ERAP2: variants seen among roughly 807,000 people sequenced by gnomAD.
ERAP2 encodes the protein leukocyte-derived arginine aminopeptidase.
ERAP2 carries 118 observed loss-of-function variants against 111.1 expected under a neutral mutation model. The ratio of observed to expected loss-of-function variants is 1.06; its 90% CI spans 0.92 to 1.24. The LOEUF is 1.24. Among genes scored for constraint, ERAP2 ranks in the 50% most tolerant of loss-of-function variants. ERAP2 has a pLI of 0.00. For missense variants in ERAP2, 1,131 were observed against 1,125.8 expected (o/e 1.00, Z -0.07); for synonymous variants, 410 against 401.2 (o/e 1.02, Z -0.26).
At chr5:96,909,925 G>C in intron 15 of ERAP2, 161 bp downstream of exon 15, 1 of 637,034 alleles carries the variant, frequency 1.6e-6, no homozygotes, top group Non-Finnish European at 2.7e-6. Context: ...TAAGTGCTAT[G>C]TATGGAGACT....
chr5:96,896,231 T>TTC (rs1369559236), intron 7 of ERAP2, 142 bp from the exon 8 acceptor site: 11 of 603,036 alleles, frequency 1.8e-5, no homozygotes. Context: ...CAAAGGGGAA[T>TTC]ACATACAAGA....
chr5:96,916,710 C>T (rs964974506), intron 18 of ERAP2, among the ~76,000 whole-genome samples: 1 of 151,590 alleles, frequency 6.6e-6, no homozygotes, highest in Non-Finnish European at 1.5e-5. Context: ...CCTCGTGATC[C>T]ACCCACTTTG....
intron 17 of ERAP2, among the ~76,000 whole-genome samples, chr5:96,915,283 A>G (rs1258448673): frequency 2.0e-5 from 3 of 152,202 alleles, no homozygotes; most frequent in Non-Finnish European, 4.4e-5. Flanking sequence ...TTCTGGGATT[A>G]CAGGTGTGAG....
chr5:96,891,027 T>A (rs928359151), intron 5 of ERAP2, among the ~76,000 whole-genome samples: 11 of 152,082 alleles, frequency 7.2e-5, no homozygotes, highest in African/African-American at 2.4e-4. Context: ...ATCAATGCGA[T>A]TTAGAAGAAA....
rs1250300387 is a variant in ERAP2, at chr5:96,918,917, C to G, written c.*1312C>G. The G allele has an allele frequency of 6.6e-6, 1 of 152,158 alleles. No individual in the cohort carries two copies. The highest frequency in any genetic ancestry group is 2.4e-5 in the African/African-American group (1 of 41,442). 9.4% of individuals were successfully genotyped at this position (152,158 alleles called of 1,614,324 possible). Reference sequence around the variant, plus strand: ...CCTTCTTTTAAGGGCGCTTCTTGCTCTCTGAAATGCCCTGCTAAATGCTTC... The same window carrying G: ...CCTTCTTTTAAGGGCGCTTCTTGCTGTCTGAAATGCCCTGCTAAATGCTTC... On this transcript the variant is annotated 3_prime_UTR_variant, in exon 19 of 19. Coordinates refer to ENST00000437043, the MANE Select transcript of ERAP2 (RefSeq NM_022350.5).
intron 16 of ERAP2, among the ~76,000 whole-genome samples, 196 bp downstream of exon 16, chr5:96,912,994 T>C (rs565024760): frequency 2.0e-5 from 3 of 152,324 alleles, no homozygotes; most frequent in East Asian, 3.9e-4. Flanking sequence ...TTATTAATCA[T>C]ATGATTGAGA....
At chr5:96,904,018 T>C (rs1269332896) in intron 13 of ERAP2, among the ~76,000 whole-genome samples, 1 of 152,228 alleles carries the variant, frequency 6.6e-6, no homozygotes, top group Admixed American at 6.5e-5. Flanking sequence ...TGTTATTAGC[T>C]GCTACACCAA....
chr5:96,909,839 G>C, intron 15 of ERAP2, 75 bp downstream of exon 15: 1 of 1,448,660 alleles, frequency 6.9e-7, no homozygotes, highest in South Asian at 1.3e-5. Context: ...CAAGACATTA[G>C]GTCTAAAACC....
At chr5:96,894,129 C>T (rs1784641600) in intron 6 of ERAP2, among the ~76,000 whole-genome samples, 2 of 152,184 alleles carry the variant, frequency 1.3e-5, no homozygotes, top group South Asian at 4.1e-4. Context: ...ATATTATATA[C>T]ATCTTTGTAT....
At chr5:96,916,403 G>A (rs1377250816) in intron 18 of ERAP2, among the ~76,000 whole-genome samples, 2 of 151,096 alleles carry the variant, frequency 1.3e-5, no homozygotes. Flanking sequence ...TTAAAGTTTG[G>A]AAGCGTACTT....
At chr5:96,895,456 ATGT>A (rs1784785411) in intron 7 of ERAP2, 97 bp downstream of exon 7, 1 of 886,732 alleles carries the variant, frequency 1.1e-6, no homozygotes, top group African/African-American at 1.7e-5. Context: ...AAACTACATA[ATGT>A]TGTGGTTTTT....
chr5:96,880,025 G>A lies in ERAP2; in HGVS notation c.340G>A (p.Asp114Asn), dbSNP rs149963216. ...ATQFIILHSK[D>N]LEITNATLQS... The stretch of plus-strand genomic sequence containing the variant: ...CCAGTTTATCATCTTGCACAGCAAA[G>A]ATCTTGAAATCACGAATGCCACCCT... Residue 114 changes from aspartate (D) to asparagine (N), a missense_variant, in exon 2 of 19, where the codon GAT becomes AAT. Coordinates refer to ENST00000437043, the MANE Select transcript of ERAP2 (RefSeq NM_022350.5). 2.5e-4 allele frequency: 402 copies of A among 1,614,154 alleles called. 8 individuals carry two copies. In the South Asian group the frequency reaches 4.2e-3, roughly 17 times the overall value.
At chr5:96,916,411 C>G (rs148335911) in intron 18 of ERAP2, among the ~76,000 whole-genome samples, 1 of 148,842 alleles carries the variant, frequency 6.7e-6, no homozygotes, top group Non-Finnish European at 1.5e-5. Flanking sequence ...TGGAAGCGTA[C>G]TTAATGATCT....
intron 6 of ERAP2, 60 bp downstream of exon 6, chr5:96,892,513 G>C: frequency 1.3e-6 from 2 of 1,581,720 alleles, no homozygotes; most frequent in Admixed American, 3.4e-5. Context: ...TATAGAACAC[G>C]ACCAATCTTC....
chr5:96,891,807 T>C (rs930773180), intron 5 of ERAP2, among the ~76,000 whole-genome samples: 1 of 152,092 alleles, frequency 6.6e-6, no homozygotes, highest in African/African-American at 2.4e-5. Context: ...AATCGAAATA[T>C]TGACTATAGA....
chr5:96,892,612 GTC>G (rs1017255786), intron 6 of ERAP2, among the ~76,000 whole-genome samples, 159 bp downstream of exon 6: 2 of 152,188 alleles, frequency 1.3e-5, no homozygotes, highest in Admixed American at 6.5e-5. Context: ...ACAGTACTCA[GTC>G]TCTGAACTGT....
At chr5:96,898,889 C>T (rs985221427) in intron 9 of ERAP2, among the ~76,000 whole-genome samples, 3 of 152,194 alleles carry the variant, frequency 2.0e-5, no homozygotes, top group Non-Finnish European at 2.9e-5. Context: ...TTCTGTCTCT[C>T]ATCCCTCTCC....
chr5:96,916,722 C>G (rs1399465432), intron 18 of ERAP2, among the ~76,000 whole-genome samples: 1 of 151,522 alleles, frequency 6.6e-6, no homozygotes, highest in Non-Finnish European at 1.5e-5. Context: ...CCCACTTTGG[C>G]CTCCCGAAGT....
rs1401331558 is a variant in ERAP2 at position 96,909,025 on chromosome 5, A to C, written c.2077A>C (p.Ser693Arg). 6.2e-7 allele frequency: 1 copy of C among 1,614,092 alleles called. No individual in the cohort carries two copies. The highest frequency in any genetic ancestry group is 2.2e-5 in the East Asian group (1 of 44,900). ...TTACTACCTCCAACATGAAACAAGCAGCCCCGCACTTCTCGAAGGTCTGAG... is the reference window on the plus strand; with the variant it reads ...TTACTACCTCCAACATGAAACAAGCCGCCCCGCACTTCTCGAAGGTCTGAG... ...MTYYLQHETS[S>R]PALLEGLSYL... Residue 693 changes from serine (S) to arginine (R), a missense_variant, in exon 14 of 19, where the codon AGC becomes CGC. Around this residue, in one of 3 missense-constraint regions of ERAP2, gnomAD observed 847 missense variants for 856.5 expected, o/e 0.99. Transcript: ENST00000437043.
Sources: allele counts gnomAD v4.1 joint callset (sites outside exome capture counted in the v4.1 genomes callset), GRCh38; gene constraint gnomAD v4.1.1; regional missense constraint gnomAD v4.1.1; transcripts MANE v1.5; gene names NCBI Gene and HGNC (gene_info 2026-07-23, HGNC 2026-07-21).